The following ATRNL1 variants were observed in gnomAD, a reference collection of about 807,000 sequenced individuals.
The protein encoded by ATRNL1 is attractin like 1.
A neutral mutation model predicts 182.7 loss-of-function variants in ATRNL1; 95 were observed. That is an observed-to-expected ratio of 0.52 (90% CI 0.44 to 0.62). ATRNL1 has a LOEUF of 0.62. Among genes scored for constraint, ATRNL1 ranks in the 20% least tolerant of loss-of-function variants. ATRNL1 has a pLI of 0.00. For missense variants in ATRNL1, 1,471 were observed against 1,679.5 expected (o/e 0.88, Z 2.17); for synonymous variants, 576 against 568.3 (o/e 1.01, Z -0.19).
At chr10:115,742,170 A>C (rs1448229813) in intron 27 of ATRNL1, among the ~76,000 whole-genome samples, 1 of 152,160 alleles carries the variant, frequency 6.6e-6, no homozygotes, top group Non-Finnish European at 1.5e-5. Context: ...CCCATTTTGA[A>C]ACTGACAATA....
At chr10:115,454,323 T>A (rs1565060833) in intron 21 of ATRNL1, among the ~76,000 whole-genome samples, 2 of 152,132 alleles carry the variant, frequency 1.3e-5, no homozygotes, top group Admixed American at 1.3e-4. Context: ...TATTTTGAAA[T>A]CAGGGGTATG....
chr10:115,579,395 T>C (rs1854930710), intron 26 of ATRNL1, among the ~76,000 whole-genome samples: 1 of 151,848 alleles, frequency 6.6e-6, no homozygotes, highest in South Asian at 2.1e-4. Context: ...TGTATAATTA[T>C]TATGTCGTCT....
At chr10:115,450,134 AAAT>A (rs1847212003) in intron 21 of ATRNL1, among the ~76,000 whole-genome samples, 1 of 152,198 alleles carries the variant, frequency 6.6e-6, no homozygotes, top group Non-Finnish European at 1.5e-5. Context: ...ACATACCTCA[AAAT>A]AATAAGAGCC....
chr10:115,734,140 A>G (rs1555064470), intron 27 of ATRNL1, among the ~76,000 whole-genome samples: 5 of 152,098 alleles, frequency 3.3e-5, no homozygotes, highest in Non-Finnish European at 4.4e-5. Context: ...TCACACTATT[A>G]TAAATAAGAC....
At chr10:115,119,021 T>C (rs1844610709) in intron 1 of ATRNL1, among the ~76,000 whole-genome samples, 1 of 152,134 alleles carries the variant, frequency 6.6e-6, no homozygotes, top group African/African-American at 2.4e-5. Context: ...TATAGGTTTT[T>C]TGAGATTTTT....
chr10:115,904,286 G>A (rs1340987350), intron 28 of ATRNL1, among the ~76,000 whole-genome samples: 2 of 152,186 alleles, frequency 1.3e-5, no homozygotes, highest in African/African-American at 4.8e-5. Context: ...TGGATCCAGA[G>A]GGGTGGCATT....
intron 20 of ATRNL1, among the ~76,000 whole-genome samples, chr10:115,407,566 T>TGAATAA (rs1844893837): frequency 6.6e-6 from 1 of 152,206 alleles, no homozygotes; most frequent in Non-Finnish European, 1.5e-5. Flanking sequence ...CAGGATTTCC[T>TGAATAA]TCTTTTTAAT....
chr10:115,806,397 G>C (rs1471748824), intron 27 of ATRNL1, among the ~76,000 whole-genome samples: 1 of 152,128 alleles, frequency 6.6e-6, no homozygotes, highest in Admixed American at 6.5e-5. Context: ...ATGTGAGGCA[G>C]TTCCAGTGCT....
At chr10:115,374,696 G>T (rs1466457887) in intron 19 of ATRNL1, among the ~76,000 whole-genome samples, 5 of 151,608 alleles carry the variant, frequency 3.3e-5, no homozygotes, top group African/African-American at 1.2e-4. Flanking sequence ...GTTTATTTTT[G>T]TCAAGACATA....
At chr10:115,497,076 A>T (rs551328866) in intron 24 of ATRNL1, among the ~76,000 whole-genome samples, 2 of 151,890 alleles carry the variant, frequency 1.3e-5, no homozygotes, top group South Asian at 2.1e-4. Flanking sequence ...TTTAAAAAAC[A>T]TTTTTTTTCT....
At chr10:115,108,065 C>T (rs1844095631) in intron 1 of ATRNL1, among the ~76,000 whole-genome samples, 1 of 152,120 alleles carries the variant, frequency 6.6e-6, no homozygotes, top group Non-Finnish European at 1.5e-5. Context: ...GCAAGGGTTC[C>T]TTGGCCACAC....
chr10:115,533,513 C>T (rs1851743379), intron 25 of ATRNL1, among the ~76,000 whole-genome samples: 1 of 151,944 alleles, frequency 6.6e-6, no homozygotes, highest in African/African-American at 2.4e-5. Context: ...ATTAGTCTTG[C>T]TAGCTGTCTA....
intron 25 of ATRNL1, among the ~76,000 whole-genome samples, chr10:115,534,139 G>A (rs1324791074): frequency 6.6e-6 from 1 of 152,002 alleles, no homozygotes; most frequent in African/African-American, 2.4e-5. Context: ...GCAGAGCTGA[G>A]TTCAATTCCT....
chr10:115,530,536 C>A (rs961470505), intron 25 of ATRNL1, among the ~76,000 whole-genome samples: 1 of 152,014 alleles, frequency 6.6e-6, no homozygotes, highest in Non-Finnish European at 1.5e-5. Context: ...AAAACAAGAA[C>A]AATCAAAGAT....
intron 21 of ATRNL1, among the ~76,000 whole-genome samples, chr10:115,453,877 G>A (rs530645496): frequency 1.1e-4 from 17 of 151,670 alleles, no homozygotes; most frequent in Admixed American, 3.3e-4. Flanking sequence ...CAGCACACCA[G>A]CATGGCACAT....
chr10:115,348,033 G>A (rs1592497022), intron 19 of ATRNL1, among the ~76,000 whole-genome samples: 1 of 152,166 alleles, frequency 6.6e-6, no homozygotes, highest in Non-Finnish European at 1.5e-5. Context: ...GAGTGCAGTG[G>A]TATGATCTCA....
chr10:115,508,045 G>C (rs1850202070), intron 24 of ATRNL1, among the ~76,000 whole-genome samples: 1 of 151,988 alleles, frequency 6.6e-6, no homozygotes, highest in Admixed American at 6.6e-5. Flanking sequence ...AAGCAAGTCT[G>C]TTCGTGCAAT....
At chr10:115,544,079 A>T (rs1852512647) in intron 25 of ATRNL1, among the ~76,000 whole-genome samples, 1 of 152,072 alleles carries the variant, frequency 6.6e-6, no homozygotes, top group African/African-American at 2.4e-5. Flanking sequence ...GCATAATGTG[A>T]TAGGAAAAGA....
At chr10:115,547,759 A>T (rs73373387) in intron 25 of ATRNL1, among the ~76,000 whole-genome samples, 7,441 of 152,266 alleles carry the variant, frequency 0.049, 548 homozygotes, top group African/African-American at 0.17. Context: ...GGTATTGTCA[A>T]TTGAGAAGTT....
Sources: allele counts gnomAD v4.1 joint callset (sites outside exome capture counted in the v4.1 genomes callset), GRCh38; gene constraint gnomAD v4.1.1; transcripts MANE v1.5; gene names NCBI Gene and HGNC (gene_info 2026-07-23, HGNC 2026-07-21).